The following ARHGAP22 variants were observed in gnomAD, a reference collection of about 807,000 sequenced individuals.
The protein encoded by ARHGAP22 is rho GTPase-activating protein 22.
ARHGAP22 carries 48 observed loss-of-function variants against 59.1 expected under a neutral mutation model. The observed-to-expected ratio is 0.81, with a 90% confidence interval of 0.64 to 1.03. The LOEUF is 1.03. Among genes scored for constraint, ARHGAP22 ranks in the 50% least tolerant of loss-of-function variants. ARHGAP22 has a pLI of 0.00. For missense variants in ARHGAP22, 1,015 were observed against 958.7 expected (o/e 1.06, Z -0.78); for synonymous variants, 445 against 416.4 (o/e 1.07, Z -0.84).
chr10:48,452,116 G>T (rs2046030102), intron 8 of ARHGAP22, among the ~76,000 whole-genome samples: 2 of 152,154 alleles, frequency 1.3e-5, no homozygotes, highest in Non-Finnish European at 2.9e-5. Context: ...AGGCCCCTGA[G>T]ATGCAGCCCC....
rs2051316104 is a variant in ARHGAP22 at position 48,499,783 on chromosome 10, A to G, written c.323-20019T>C. Among the ~76,000 whole-genome samples, 4 of 152,250 alleles carry G rather than the reference A, an allele frequency of 2.6e-5. No individual in the cohort carries two copies. The South Asian group carries it at 8.3e-4, about 31-fold the overall frequency. ...ATCCAGTAAATCAACTGGGTGCGAA[A>G]TTAATATATAAAAAGAACAATCTAT... On this transcript the variant is annotated intron_variant, in intron 3 of 9. Transcript: ENST00000249601.
intron 1 of ARHGAP22, among the ~76,000 whole-genome samples, chr10:48,597,171 T>A (rs11101394): frequency 6.6e-6 from 1 of 151,942 alleles, no homozygotes; most frequent in Non-Finnish European, 1.5e-5. Context: ...CATAAACATG[T>A]GTCTCATGTC....
intron 3 of ARHGAP22, among the ~76,000 whole-genome samples, chr10:48,492,509 A>G (rs1284075078): frequency 6.6e-6 from 1 of 152,262 alleles, no homozygotes; most frequent in Non-Finnish European, 1.5e-5. Context: ...TCAAAAAGTA[A>G]AAAGGAACAG....
At chr10:48,439,593 T>A in the ARHGAP22 span, among the ~76,000 whole-genome samples, 1 of 152,138 alleles carries the variant, frequency 6.6e-6, no homozygotes, top group Non-Finnish European at 1.5e-5. Context: ...AAAGGAACTT[T>A]GCTTCAATGC....
the ARHGAP22 span, among the ~76,000 whole-genome samples, chr10:48,440,636 GGA>G: frequency 6.6e-6 from 1 of 152,172 alleles, no homozygotes; most frequent in Admixed American, 6.5e-5. Flanking sequence ...GGGAGAAATG[GGA>G]GAGAAGACTG....
At chr10:48,584,588 C>T (rs190438499) in intron 1 of ARHGAP22, among the ~76,000 whole-genome samples, 5 of 152,296 alleles carry the variant, frequency 3.3e-5, no homozygotes, top group East Asian at 3.9e-4. Context: ...TGCGTGTCCT[C>T]GTTACTGTGG....
chr10:48,434,425 T>G, the ARHGAP22 span, among the ~76,000 whole-genome samples: 1 of 152,228 alleles, frequency 6.6e-6, no homozygotes, highest in Non-Finnish European at 1.5e-5. Flanking sequence ...GAATTTTTCC[T>G]TTTTAGTGAG....
chr10:48,431,804 T>C, the ARHGAP22 span, among the ~76,000 whole-genome samples: 564 of 152,306 alleles, frequency 3.7e-3, 3 homozygotes, highest in African/African-American at 0.013. Flanking sequence ...TATTTAATGT[T>C]AGTACAAGTA....
At chr10:48,481,848 C>T (rs916560065) in intron 3 of ARHGAP22, among the ~76,000 whole-genome samples, 2 of 152,170 alleles carry the variant, frequency 1.3e-5, no homozygotes, top group African/African-American at 2.4e-5. Context: ...ATTTGCATTT[C>T]CCAAATGACT....
At chr10:48,438,362 TGAA>T in the ARHGAP22 span, 1 of 152,216 alleles carries the variant, frequency 6.6e-6, no homozygotes, top group East Asian at 1.9e-4. Flanking sequence ...GCAAGAAAGA[TGAA>T]GAGGTAAAGG....
chr10:48,430,889 T>C, the ARHGAP22 span: 1 of 399,136 alleles, frequency 2.5e-6, no homozygotes, highest in Non-Finnish European at 4.6e-6. Flanking sequence ...TATGATGTGC[T>C]GTAGCACAAG....
chr10:48,518,817 T>C (rs2053545609), intron 3 of ARHGAP22, among the ~76,000 whole-genome samples: 2 of 152,204 alleles, frequency 1.3e-5, no homozygotes. Context: ...GGGCTGCAGG[T>C]GCTGGCATAG....
intron 4 of ARHGAP22, among the ~76,000 whole-genome samples, chr10:48,470,278 G>T (rs956748140): frequency 6.6e-6 from 1 of 152,232 alleles, no homozygotes; most frequent in African/African-American, 2.4e-5. Context: ...CCTGACCTTT[G>T]CAGGAAGCAG....
intron 4 of ARHGAP22, among the ~76,000 whole-genome samples, chr10:48,471,301 G>A (rs1248227370): frequency 1.3e-5 from 2 of 152,162 alleles, no homozygotes; most frequent in African/African-American, 4.8e-5. Context: ...CAGTCACTCT[G>A]GGCAGGGACA....
chr10:48,583,315 G>A (rs41281993), intron 1 of ARHGAP22, among the ~76,000 whole-genome samples, 163 bp from the exon 2 acceptor site: 3 of 152,332 alleles, frequency 2.0e-5, no homozygotes, highest in African/African-American at 4.8e-5. Context: ...AAGGGGCATG[G>A]GTTGGAGCAT....
intron 1 of ARHGAP22, among the ~76,000 whole-genome samples, chr10:48,642,237 CT>C (rs1380058562): frequency 6.6e-6 from 1 of 152,190 alleles, no homozygotes; most frequent in Non-Finnish European, 1.5e-5. Context: ...GAAAAAACTA[CT>C]TTAAAGTTCA....
intron 7 of ARHGAP22, 48 bp from the exon 8 acceptor site, chr10:48,453,473 C>T: frequency 1.2e-6 from 2 of 1,609,574 alleles, no homozygotes; most frequent in South Asian, 1.1e-5. Context: ...GTTGTGATGC[C>T]CAGTCTCCTG....
At chr10:48,502,249 G>A (rs2051599442) in intron 3 of ARHGAP22, among the ~76,000 whole-genome samples, 2 of 152,160 alleles carry the variant, frequency 1.3e-5, no homozygotes. Context: ...GCTTTTAGGG[G>A]ATCAGTGTGT....
intron 5 of ARHGAP22, among the ~76,000 whole-genome samples, chr10:48,458,494 C>T (rs2046804751): frequency 2.0e-5 from 3 of 152,096 alleles, no homozygotes; most frequent in Admixed American, 6.5e-5. Flanking sequence ...GAGGCGCAGA[C>T]GGCCTGTGCC....
Sources: allele counts gnomAD v4.1 joint callset (sites outside exome capture counted in the v4.1 genomes callset), GRCh38; gene constraint gnomAD v4.1.1; transcripts MANE v1.5; gene names NCBI Gene and HGNC (gene_info 2026-07-23, HGNC 2026-07-21).